Variants in CSRNP2 observed in about 807,000 individuals in gnomAD.
The protein encoded by CSRNP2 is cysteine/serine-rich nuclear protein 2.
A neutral mutation model predicts 36.6 loss-of-function variants in CSRNP2; 11 were observed. That is an observed-to-expected ratio of 0.30 (90% CI 0.19 to 0.50). CSRNP2 has a LOEUF of 0.50. CSRNP2 is among the 20% of genes least tolerant of loss of function. The pLI, the probability that CSRNP2 is intolerant of heterozygous loss-of-function variation, is 0.98. For synonymous variants in CSRNP2, 248 were observed against 275.3 expected (o/e 0.90, Z 0.98); for missense variants, 483 against 691.4 (o/e 0.70, Z 3.38).
chr12:51,076,448 G>C lies in CSRNP2; in HGVS notation c.114C>G (p.Cys38Trp), dbSNP rs780766456. 6.2e-7 allele frequency: 1 copy of C among 1,614,024 alleles called. No homozygotes were observed. The highest frequency in any genetic ancestry group is 1.3e-5 in the African/African-American group (1 of 74,996). Residue 38 changes from cysteine (C) to tryptophan (W), a missense_variant, in exon 2 of 5, where the codon TGC becomes TGG. By Grantham distance (215) the Cys-to-Trp change is radical. Around this residue, in one of 2 missense-constraint regions of CSRNP2, gnomAD observed 206 missense variants for 367.8 expected, o/e 0.56. Coordinates refer to ENST00000228515, the MANE Select transcript of CSRNP2 (RefSeq NM_030809.3). ...EISSSDSADS[C>W]DSLNPPTTAS... ...CAGTGGTAGGAGGATTGAGGCTGTC[G>C]CAGCTGTCAGCACTATCACTGCTGG...
intron 3 of CSRNP2, among the ~76,000 whole-genome samples, chr12:51,069,292 T>TC (rs1455997319): frequency 6.7e-6 from 1 of 148,634 alleles, no homozygotes; most frequent in African/African-American, 2.5e-5. Context: ...CCTTTCTTTT[T>TC]TTTTTTTTTT....
chr12:51,074,678 T>C (rs1343240740), intron 2 of CSRNP2, among the ~76,000 whole-genome samples: 1 of 152,166 alleles, frequency 6.6e-6, no homozygotes, highest in Non-Finnish European at 1.5e-5. Context: ...CTAGTTAATC[T>C]TTTCTGGATA....
At chr12:51,078,594 T>G (rs879336728) in intron 1 of CSRNP2, among the ~76,000 whole-genome samples, 2 of 152,128 alleles carry the variant, frequency 1.3e-5, no homozygotes, top group Non-Finnish European at 2.9e-5. Context: ...AAGAAGACAT[T>G]TATGCATCCA....
chr12:51,062,657 G>C lies in CSRNP2; in HGVS notation c.*1089C>G, dbSNP rs753965992. On this transcript the variant is annotated 3_prime_UTR_variant, in exon 5 of 5. Transcript: ENST00000228515. ...ATAAACATTTGCAATTCTTGGAATT[G>C]AACTGGAACAGTATAAGAACTCTAA... 23 of 152,132 alleles carry C rather than the reference G, an allele frequency of 1.5e-4. No individual in the cohort carries two copies. Among genetic ancestry groups the C allele is most frequent in the Non-Finnish European group, 3.1e-4 (21 of 68,036 alleles). The allele number at this position is 152,132 out of a possible 1,614,324, so 9.4% of individuals were successfully genotyped here.
At chr12:51,068,544 C>T (rs1938648750) in intron 3 of CSRNP2, among the ~76,000 whole-genome samples, 1 of 152,144 alleles carries the variant, frequency 6.6e-6, no homozygotes, top group Non-Finnish European at 1.5e-5. Flanking sequence ...GGAAATCTTA[C>T]GTACCATCAC....
intron 1 of CSRNP2, among the ~76,000 whole-genome samples, chr12:51,079,039 A>G (rs1335284136): frequency 2.6e-5 from 4 of 152,346 alleles, no homozygotes; most frequent in African/African-American, 9.6e-5. Context: ...AATACTATGC[A>G]GCCATAAAAA....
chr12:51,067,049 C>A lies in CSRNP2; in HGVS notation c.708+624G>T, dbSNP rs919074171. ...TTAGCCATGTTGCCCAGGCTGGTCT[C>A]GAACTCCTGGGAAGCAATCTGCCTG... On this transcript the variant is annotated intron_variant, in intron 4 of 4. Coordinates refer to ENST00000228515, the MANE Select transcript of CSRNP2 (RefSeq NM_030809.3). This position sits in a 1 kb window ranked among gnomAD's most constrained non-coding sequence, Gnocchi z 4.1. Among the ~76,000 whole-genome samples the A allele has an allele frequency of 6.6e-6, 1 of 151,970 alleles. No homozygotes were observed. The highest frequency in any genetic ancestry group is 6.6e-5 in the Admixed American group (1 of 15,262).
intron 3 of CSRNP2, among the ~76,000 whole-genome samples, chr12:51,073,548 A>G (rs1216782011): frequency 6.6e-6 from 1 of 151,878 alleles, no homozygotes; most frequent in Non-Finnish European, 1.5e-5. Context: ...CCTGGGCAAC[A>G]TGGCAAAACC....
chr12:51,078,676 C>A (rs1306515578), intron 1 of CSRNP2, among the ~76,000 whole-genome samples: 1 of 152,166 alleles, frequency 6.6e-6, no homozygotes, highest in Non-Finnish European at 1.5e-5. Context: ...AATGAGATAC[C>A]ATCTCACACC....
chr12:51,078,186 CT>C (rs1157034825), intron 1 of CSRNP2, among the ~76,000 whole-genome samples: 5 of 152,228 alleles, frequency 3.3e-5, no homozygotes, highest in Non-Finnish European at 7.3e-5. Flanking sequence ...TACAGAGCTG[CT>C]TTTCTGGACT....
chr12:51,073,683 G>A, intron 3 of CSRNP2, 140 bp downstream of exon 3: 4 of 851,572 alleles, frequency 4.7e-6, no homozygotes, highest in Non-Finnish European at 7.2e-6. Context: ...CTAATATCAT[G>A]CCAGTGCACT....
chr12:51,063,929 A>G lies in CSRNP2; in HGVS notation c.1449T>C (p.Ala483=). Residue 483 remains alanine, a synonymous_variant, in exon 5 of 5, where the codon GCT becomes GCC. Transcript: ENST00000228515. Reference sequence around the variant, plus strand: ...CAGGGTTACAATCTTCGGGCAATAGAGCTTCTAGGGTGGGTGTTTTCCCCA... The same window carrying G: ...CAGGGTTACAATCTTCGGGCAATAGGGCTTCTAGGGTGGGTGTTTTCCCCA... The part of the protein sequence containing the change: ...SEVGKTPTLE[A]LLPEDCNPEE... 1.2e-6 allele frequency: 2 copies of G among 1,613,704 alleles called. No homozygotes were observed. The highest frequency in any genetic ancestry group is 1.7e-6 in the Non-Finnish European group (2 of 1,179,756).
chr12:51,063,841 C>T lies in CSRNP2; in HGVS notation c.1537G>A (p.Asp513Asn), dbSNP rs1401155832. 2 of 1,613,772 alleles carry T rather than the reference C, an allele frequency of 1.2e-6. No homozygotes were observed. Among genetic ancestry groups the T allele is most frequent in the Non-Finnish European group, 1.7e-6 (2 of 1,179,938 alleles). ...ACCATCCCACAGCCCTCTTCATTGT[C>T]CGTGCGGAAGGGGAGGCTTGAGGGG... ...WSPSSLPFRTDNEEGCGMVKT... is the reference protein window; with the variant it reads ...WSPSSLPFRTNNEEGCGMVKT... The change falls in exon 5 of 5, where the codon GAC (aspartate) becomes AAC (asparagine). Residue 513 changes from aspartate to asparagine, a missense_variant. Transcript: ENST00000228515.
chr12:51,077,041 T>A (rs1250101187), intron 1 of CSRNP2, among the ~76,000 whole-genome samples: 3 of 44,668 alleles, frequency 6.7e-5, no homozygotes, highest in Admixed American at 2.1e-4. Context: ...CTTGTTTGGT[T>A]GGCAAAAAAA....
intron 3 of CSRNP2, among the ~76,000 whole-genome samples, chr12:51,069,874 G>T (rs959251917): frequency 2.0e-5 from 3 of 151,616 alleles, no homozygotes; most frequent in Non-Finnish European, 4.4e-5. Flanking sequence ...TTGTATTTTT[G>T]TATTTTTAGT....
chr12:51,077,044 CAAAAAA>C lies in CSRNP2; in HGVS notation c.-86-403_-86-398del, dbSNP rs34490094. ...TTATCACTGCTGCTTGTTTGGTTGG[CAAAAAA>C]AAAAAAAAAAGGAAAAAAAGAAAAG... On this transcript the variant is annotated intron_variant, in intron 1 of 4. Coordinates refer to ENST00000228515, the MANE Select transcript of CSRNP2 (RefSeq NM_030809.3). Among the ~76,000 whole-genome samples the C allele has an allele frequency of 5.9e-3, 750 of 126,728 alleles. 7 individuals carry two copies. Among genetic ancestry groups the C allele is most frequent in the African/African-American group, 0.021 (704 of 33,428 alleles). The allele number at this position is 126,728 out of a possible 152,430, so 83.1% of individuals were successfully genotyped here.
chr12:51,066,037 G>T (rs1938208858), intron 4 of CSRNP2, among the ~76,000 whole-genome samples: 1 of 152,110 alleles, frequency 6.6e-6, no homozygotes, highest in Admixed American at 6.6e-5. Context: ...GGCCAACAAG[G>T]GGCCAGGCAC....
intron 1 of CSRNP2, among the ~76,000 whole-genome samples, chr12:51,079,769 C>CAAAAAAAAAAA (rs35767986): frequency 2.9e-5 from 1 of 35,012 alleles, no homozygotes; most frequent in African/African-American, 1.2e-4. Flanking sequence ...GAGACCTTGT[C>CAAAAAAAAAAA]AAAAAAAAAA....
intron 3 of CSRNP2, among the ~76,000 whole-genome samples, chr12:51,068,602 C>T (rs1566178640): frequency 6.6e-6 from 1 of 152,206 alleles, no homozygotes; most frequent in Non-Finnish European, 1.5e-5. Flanking sequence ...TTCCCTCCTA[C>T]ACGAAAATCT....
Sources: gnomAD v4.1 joint callset for allele counts (sites outside exome capture counted in the v4.1 genomes callset) on GRCh38, gnomAD v4.1.1 for gene constraint, gnomAD v4.1.1 regional missense constraint, Gnocchi (gnomAD v3.1) non-coding constraint, MANE v1.5 for transcripts, NCBI Gene and HGNC (gene_info 2026-07-23, HGNC 2026-07-21) for gene names.